The following EPN1 variants were observed in gnomAD, a reference collection of about 807,000 sequenced individuals.
EPN1 encodes the protein epsin-1.
EPN1 carries 25 observed loss-of-function variants against 56.9 expected under a neutral mutation model. That is an observed-to-expected ratio of 0.44 (90% CI 0.32 to 0.61). The LOEUF (loss-of-function observed/expected upper bound fraction) is 0.61. Among genes scored for constraint, EPN1 ranks in the 20% least tolerant of loss-of-function variants. The pLI is 0.05. For missense variants in EPN1, 785 were observed against 823.7 expected, an observed-to-expected ratio of 0.95 and a Z score of 0.58; for synonymous variants, 411 against 361.8, an observed-to-expected ratio of 1.14 and a Z score of -1.54.
At position 55,707,456 on chromosome 19, in the gene EPN1, A is replaced by G. The variant is rs1211020759; in HGVS notation, c.*12100A>G. On this transcript the variant is annotated 3_prime_UTR_variant, in exon 11 of 11. Transcript: ENST00000270460. ...TTGAGCCCCTTCTGTGGAATATGACAGTGTCTCTATTTCGGGTAAAGGAAA... is the reference window on the plus strand; with the variant it reads ...TTGAGCCCCTTCTGTGGAATATGACGGTGTCTCTATTTCGGGTAAAGGAAA... The G allele has an allele frequency of 6.6e-6, 1 of 152,480 alleles. No individual in the cohort carries two copies. The highest frequency in any genetic ancestry group is 1.5e-5 in the Non-Finnish European group (1 of 68,222). 9.4% of individuals were successfully genotyped at this position (152,480 alleles called of 1,614,324 possible).
chr19:55,685,616 C>T lies in EPN1; in HGVS notation c.449C>T (p.Thr150Ile). 2 of 1,602,406 alleles carry T rather than the reference C, an allele frequency of 1.2e-6. No individual in the cohort carries two copies. Among genetic ancestry groups the T allele is most frequent in the South Asian group, 1.1e-5 (1 of 89,216 alleles). Residue 150 changes from threonine (T) to isoleucine (I), a missense_variant, in exon 3 of 11, where the codon ACC becomes ATC. Thr to Ile is a moderately conservative substitution (Grantham distance 89). Transcript: ENST00000270460. ...LREERAHALK[T>I]KEKLAQTATA... ...GAAGAGCGGGCGCACGCGCTCAAGACCAAGGAAAAGCTGGCACAGACCGCC... is the reference window on the plus strand; with the variant it reads ...GAAGAGCGGGCGCACGCGCTCAAGATCAAGGAAAAGCTGGCACAGACCGCC...
chr19:55,691,622 T>C lies in EPN1; in HGVS notation c.763-132T>C. On this transcript the variant is annotated intron_variant, in intron 6 of 10. Coordinates refer to ENST00000270460, the MANE Select transcript of EPN1 (RefSeq NM_001130072.2). This position sits in a 1 kb window ranked among gnomAD's most constrained non-coding sequence, Gnocchi z 5.6. ...GGTGTGTTTGGGGCCTGCCTCCCTC[T>C]CACCCCTTATGGATGGCTGCTGTCT... The C allele has an allele frequency of 1.3e-6, 1 of 750,794 alleles. No individual in the cohort carries two copies. The highest frequency in any genetic ancestry group is 2.2e-6 in the Non-Finnish European group (1 of 452,044). The allele number at this position is 750,794 out of a possible 1,614,324, so 46.5% of individuals were successfully genotyped here.
intron 9 of EPN1, among the ~76,000 whole-genome samples, chr19:55,693,734 C>T (rs1986730889): frequency 6.6e-6 from 1 of 152,132 alleles, no homozygotes; most frequent in South Asian, 2.1e-4. Context: ...GGTACAGAAA[C>T]CTGTTTCCAC....
rs1329865656 is a variant in EPN1, at chr19:55,706,704, AAG to A, written c.*11354_*11355del. ...GGGAGAGATTTAAAAAACAATAGTAAAGAGAGATTTAAAAAACAATAGTAAAG... is the reference window on the plus strand; with the variant it reads ...GGGAGAGATTTAAAAAACAATAGTAAAGAGATTTAAAAAACAATAGTAAAG... On this transcript the variant is annotated 3_prime_UTR_variant, in exon 11 of 11. Transcript: ENST00000270460. 4.6e-5 allele frequency: 7 copies of A among 151,772 alleles called. No homozygotes were observed. Among genetic ancestry groups the A allele is most frequent in the Non-Finnish European group, 7.4e-5 (5 of 67,934 alleles). The allele number at this position is 151,772 out of a possible 1,614,324, so 9.4% of individuals were successfully genotyped here. A position where few individuals can be genotyped will look rare whatever the true frequency, so the allele number is the denominator to read the frequency against.
chr19:55,693,296 C>T, intron 9 of EPN1: 2 of 467,248 alleles, frequency 4.3e-6, no homozygotes, highest in East Asian at 3.7e-5. Flanking sequence ...TGACCTCTGA[C>T]CCGTCTCTGC....
At position 55,695,482 on chromosome 19, in the gene EPN1, A is replaced by C; in HGVS notation, c.*126A>C. The C allele has an allele frequency of 1.6e-6, 1 of 614,716 alleles. No individual in the cohort carries two copies. The highest frequency in any genetic ancestry group is 2.9e-6 in the Non-Finnish European group (1 of 348,596). The allele number at this position is 614,716 out of a possible 1,614,324, so 38.1% of individuals were successfully genotyped here. On this transcript the variant is annotated 3_prime_UTR_variant, in exon 11 of 11. Transcript: ENST00000270460. This position sits in a 1 kb window ranked among gnomAD's most constrained non-coding sequence, Gnocchi z 4.4. ...AGTGCCCTTCCCCTTCCTGGGGCCC[A>C]CTCACACTACACCCTCTTCCTTTCC...
rs1407797082 is a variant in EPN1 at position 55,703,070 on chromosome 19, T to TA, written c.*7715dup. On this transcript the variant is annotated 3_prime_UTR_variant, in exon 11 of 11. Coordinates refer to ENST00000270460, the MANE Select transcript of EPN1 (RefSeq NM_001130072.2). ...CCTCGGCCTCCCAAAGTGCTGGGAT[T>TA]ACAGCCGTGAGCCACCGCACCTGGC... The TA allele has an allele frequency of 6.6e-6, 1 of 152,296 alleles. No individual in the cohort carries two copies. Among genetic ancestry groups the TA allele is most frequent in the Non-Finnish European group, 1.5e-5 (1 of 68,232 alleles). 9.4% of individuals were successfully genotyped at this position (152,296 alleles called of 1,614,324 possible).
Position 55,677,913 on chromosome 19 carries a change from T to G in EPN1, c.-101-614T>G, listed in dbSNP as rs554495626. 8.5e-5 allele frequency among the ~76,000 whole-genome samples: 13 copies of G among 152,348 alleles called. No homozygotes were observed. In the South Asian group the frequency reaches 2.7e-3, roughly 32 times the overall value. ...AATGGTTTTTCTGGGCCAGCTTCTT[T>G]GCTGGGAAAAGCCACATGCAGACAG... On this transcript the variant is annotated intron_variant, in intron 1 of 10. Coordinates refer to ENST00000270460, the MANE Select transcript of EPN1 (RefSeq NM_001130072.2).
intron 2 of EPN1, among the ~76,000 whole-genome samples, chr19:55,682,803 C>G (rs1433999125): frequency 1.3e-5 from 2 of 148,704 alleles, no homozygotes; most frequent in Non-Finnish European, 2.9e-5. Context: ...GTTGCCCAGG[C>G]TGGAGTGCAG....
In EPN1 at chr19:55,691,335, A is replaced by G. The variant is rs1986532673; in HGVS notation, c.763-419A>G. On this transcript the variant is annotated intron_variant, in intron 6 of 10. Transcript: ENST00000270460. The surrounding 1 kb of genome is among the most constrained non-coding windows in gnomAD (Gnocchi z 5.6). ...GGAAGGCATGGAGCAGGGGCTGGCC[A>G]GTCTGGCTGGAGAAGGCACGGTGGG... 6.6e-6 allele frequency among the ~76,000 whole-genome samples: 1 copy of G among 152,096 alleles called. No homozygotes were observed. Among genetic ancestry groups the G allele is most frequent in the Admixed American group, 6.5e-5 (1 of 15,284 alleles).
rs2122246354 is a variant in EPN1 at position 55,704,320 on chromosome 19, C to T, written c.*8964C>T. On this transcript the variant is annotated 3_prime_UTR_variant, in exon 11 of 11. Coordinates refer to ENST00000270460, the MANE Select transcript of EPN1 (RefSeq NM_001130072.2). Reference sequence around the variant, plus strand: ...ACCCTACCCCCCACCCTGCACCGACCCCGTACCCCAGAATGGGGCTGTATT... The same window carrying T: ...ACCCTACCCCCCACCCTGCACCGACTCCGTACCCCAGAATGGGGCTGTATT... 1 of 152,410 alleles carries T rather than the reference C, an allele frequency of 6.6e-6. No individual in the cohort carries two copies. The highest frequency in any genetic ancestry group is 2.4e-5 in the African/African-American group (1 of 41,560). 9.4% of individuals were successfully genotyped at this position (152,410 alleles called of 1,614,324 possible).
chr19:55,682,047 C>T (rs1200780289), intron 2 of EPN1, among the ~76,000 whole-genome samples: 2 of 152,144 alleles, frequency 1.3e-5, no homozygotes, highest in Admixed American at 6.5e-5. Context: ...CTCAAGCGAT[C>T]CTCTTGCCTT....
At position 55,694,809 on chromosome 19, in the gene EPN1, G is replaced by A; in HGVS notation, c.1348G>A (p.Glu450Lys). 6.2e-7 allele frequency: 1 copy of A among 1,610,436 alleles called. No individual in the cohort carries two copies. The highest frequency in any genetic ancestry group is 1.7e-5 in the Admixed American group (1 of 59,656). ...DMSGVRGSLA[E>K]AVGSPPPAAT... ...GAGTGGGGTCAGGGGATCTCTGGCT[G>A]AGGCTGTGGGCAGCCCCCCACCTGC... The change falls in exon 10 of 11, where the codon GAG (glutamate) becomes AAG (lysine). Residue 450 changes from glutamate to lysine, a missense_variant. By Grantham distance (56) the Glu-to-Lys change is moderately conservative. Coordinates refer to ENST00000270460, the MANE Select transcript of EPN1 (RefSeq NM_001130072.2). This position sits in a 1 kb window ranked among gnomAD's most constrained non-coding sequence, Gnocchi z 4.2.
rs925427095 is a variant in EPN1, at chr19:55,691,759, C to T, written c.768C>T (p.Ser256=). The change falls in exon 7 of 11, where the codon TCC becomes TCT. Residue 256 remains serine, a synonymous_variant. Coordinates refer to ENST00000270460, the MANE Select transcript of EPN1 (RefSeq NM_001130072.2). The surrounding 1 kb of genome is among the most constrained non-coding windows in gnomAD (Gnocchi z 5.6). The part of the protein sequence containing the change: ...KRETGGKEES[S]LMDLADVFTA... ...CTCTTCTCTCTCCCCCACAGTCGTC[C>T]CTCATGGACCTTGCTGACGTCTTCA... The T allele has an allele frequency of 5.0e-6, 8 of 1,610,592 alleles. No homozygotes were observed. Among genetic ancestry groups the T allele is most frequent in the Non-Finnish European group, 6.8e-6 (8 of 1,178,258 alleles).
intron 7 of EPN1, 27 bp downstream of exon 7, chr19:55,692,084 G>A: frequency 7.1e-7 from 1 of 1,407,524 alleles, no homozygotes; most frequent in South Asian, 1.6e-5. Flanking sequence ...CTTGCATGCA[G>A]CCCCTACGCC....
At chr19:55,679,547 G>T (rs557818899) in intron 2 of EPN1, among the ~76,000 whole-genome samples, 8 of 152,164 alleles carry the variant, frequency 5.3e-5, no homozygotes, top group Non-Finnish European at 8.8e-5. Context: ...TCTGCAGAAG[G>T]CCCGCTCTGG....
rs933101353 is a variant in EPN1 at position 55,706,283 on chromosome 19, C to CTTTTTTTTTTTTTTTT, written c.*10928_*10943dup. The CTTTTTTTTTTTTTTTT allele has an allele frequency of 8.5e-6, 1 of 118,340 alleles. No individual in the cohort carries two copies. Among genetic ancestry groups the CTTTTTTTTTTTTTTTT allele is most frequent in the African/African-American group, 3.3e-5 (1 of 30,418 alleles). 7.3% of individuals were successfully genotyped at this position (118,340 alleles called of 1,614,324 possible). ...CTTCCTTTCTTCTCTTTTTCTTCTT[C>CTTTTTTTTTTTTTTTT]TTTTTTTTTTTTTTTTAAAAGACCG... On this transcript the variant is annotated 3_prime_UTR_variant, in exon 11 of 11. Transcript: ENST00000270460.
In EPN1 at chr19:55,699,179, G is replaced by T. The variant is rs1987028443; in HGVS notation, c.*3823G>T. The T allele has an allele frequency of 6.6e-6, 1 of 152,108 alleles. No homozygotes were observed. 9.4% of individuals were successfully genotyped at this position (152,108 alleles called of 1,614,324 possible). On this transcript the variant is annotated 3_prime_UTR_variant, in exon 11 of 11. Transcript: ENST00000270460. ...CGCATTAACTCGTCATTTACATTAGGTATATCTCCTAATGCCTTCCCTCCC... is the reference window on the plus strand; with the variant it reads ...CGCATTAACTCGTCATTTACATTAGTTATATCTCCTAATGCCTTCCCTCCC...
chr19:55,679,348 C>T (rs547475654), intron 2 of EPN1, among the ~76,000 whole-genome samples: 10 of 152,376 alleles, frequency 6.6e-5, no homozygotes, highest in African/African-American at 2.4e-4. Context: ...TCTTTGGTTA[C>T]TGTGTTCCTC....
Sources: allele counts gnomAD v4.1 joint callset (sites outside exome capture counted in the v4.1 genomes callset), GRCh38; gene constraint gnomAD v4.1.1; non-coding constraint Gnocchi (gnomAD v3.1); transcripts MANE v1.5; gene names NCBI Gene and HGNC (gene_info 2026-07-23, HGNC 2026-07-21).